COL4A5: variants seen among roughly 807,000 people sequenced by gnomAD.
COL4A5 encodes collagen type IV alpha 5 chain.
In COL4A5, 26 loss-of-function variants were observed where a neutral mutation model predicts 130.2. The observed-to-expected ratio is 0.20, with a 90% CI of 0.15 to 0.28. The LOEUF (loss-of-function observed/expected upper bound fraction) is 0.28. COL4A5 is among the 10% of genes least tolerant of loss of function. The pLI, the probability that COL4A5 is intolerant of heterozygous loss-of-function variation, is 1.00. For missense variants in COL4A5, 1,131 were observed against 1,344.3 expected (o/e 0.84, Z 2.48); for synonymous variants, 496 against 439.6 (o/e 1.13, Z -1.60).
chrX:108,645,330 A>G (rs756313546), intron 36 of COL4A5, among the ~76,000 whole-genome samples: 1 of 111,909 alleles, frequency 8.9e-6, no homozygotes, highest in East Asian at 2.8e-4. Flanking sequence ...CATTACCAAG[A>G]TTAAGAAAAG....
At chrX:108,568,849 A>G (rs777384151) in intron 6 of COL4A5, 28 bp downstream of exon 6, 20 of 1,135,574 alleles carry the variant, frequency 1.8e-5, no homozygotes, top group Non-Finnish European at 2.4e-5. Flanking sequence ...AATCTTGGGT[A>G]GTATACTTGA....
At chrX:108,674,777 C>CTT (rs200814705) in intron 43 of COL4A5, 24 bp downstream of exon 43, 1,811 of 971,859 alleles carry the variant, frequency 1.9e-3, no homozygotes, top group African/African-American at 2.1e-3. Context: ...CTGGTCAATT[C>CTT]TTTTTTTTTT....
intron 1 of COL4A5, among the ~76,000 whole-genome samples, chrX:108,451,966 T>A (rs986519987): frequency 9.8e-5 from 11 of 112,072 alleles, no homozygotes; most frequent in Non-Finnish European, 2.1e-4. Flanking sequence ...AGGTCTAACA[T>A]TTAAGTCTTT....
At chrX:108,647,730 G>C (rs2067630091) in intron 36 of COL4A5, among the ~76,000 whole-genome samples, 1 of 111,604 alleles carries the variant, frequency 9.0e-6, no homozygotes, top group Admixed American at 9.5e-5. Context: ...GTCATAGATA[G>C]CTCTTATTAT....
chrX:108,608,134 G>C (rs1309027855), intron 29 of COL4A5, among the ~76,000 whole-genome samples: 2 of 111,724 alleles, frequency 1.8e-5, no homozygotes, highest in African/African-American at 6.5e-5. Context: ...TCTGGATATT[G>C]TCAGATTCCT....
intron 47 of COL4A5, among the ~76,000 whole-genome samples, chrX:108,683,998 A>G (rs1374049267): frequency 9.0e-6 from 1 of 111,511 alleles, no homozygotes; most frequent in Non-Finnish European, 1.9e-5. Flanking sequence ...ACTGTACCAC[A>G]TGCTCCTGAA....
intron 38 of COL4A5, among the ~76,000 whole-genome samples, chrX:108,666,256 C>T (rs988099064): frequency 4.5e-5 from 5 of 111,503 alleles, no homozygotes; most frequent in African/African-American, 1.6e-4. Flanking sequence ...CACCACCCTT[C>T]GCACCTTACT....
chrX:108,474,378 A>G (rs2064811356), intron 1 of COL4A5, among the ~76,000 whole-genome samples: 2 of 112,010 alleles, frequency 1.8e-5, no homozygotes, highest in South Asian at 3.7e-4. Context: ...ACAGTTGCCT[A>G]CAATATTTAG....
chrX:108,636,598 C>T (rs924602149), intron 36 of COL4A5, among the ~76,000 whole-genome samples: 8 of 110,647 alleles, frequency 7.2e-5, no homozygotes, highest in Admixed American at 5.9e-4. Context: ...TATAATTCAA[C>T]GGAAAGCAAA....
intron 36 of COL4A5, among the ~76,000 whole-genome samples, chrX:108,636,954 T>G (rs941443783): frequency 9.6e-6 from 1 of 104,647 alleles, no homozygotes; most frequent in Non-Finnish European, 2.0e-5. Context: ...TTTTTTTTTT[T>G]TTTTTTTTGA....
In COL4A5 at chrX:108,667,161, C is replaced by T. The variant is rs104886243; in HGVS notation, c.3582C>T (p.Pro1194=). The change falls in exon 40 of 53, where the codon CCC becomes CCT. Residue 1194 remains proline, a synonymous_variant. Coordinates refer to ENST00000328300, the MANE Select transcript of COL4A5 (RefSeq NM_033380.3). ...AACCAGGCTTTGGAAACCCAGGACCCCCTGGACTTCCAGGACTTTCTGGTA... is the reference window on the plus strand; with the variant it reads ...AACCAGGCTTTGGAAACCCAGGACCTCCTGGACTTCCAGGACTTTCTGGTA... ...PGQPGFGNPG[P]PGLPGLSGQK... The T allele has an allele frequency of 1.2e-5, 15 of 1,207,693 alleles. No individual in the cohort carries two copies. The highest frequency in any genetic ancestry group is 1.1e-4 in the South Asian group (6 of 56,770).
chrX:108,678,579 A>T (rs767923170), intron 44 of COL4A5, among the ~76,000 whole-genome samples: 192 of 111,632 alleles, frequency 1.7e-3, no homozygotes, highest in African/African-American at 5.8e-3. Context: ...ATTTTATAAA[A>T]TTCTTACCAA....
intron 1 of COL4A5, among the ~76,000 whole-genome samples, chrX:108,444,222 T>C (rs1344649770): frequency 9.8e-6 from 1 of 102,506 alleles, no homozygotes; most frequent in Non-Finnish European, 1.9e-5. Context: ...CTTTTTTTTT[T>C]CTTTTTTTTT....
intron 1 of COL4A5, among the ~76,000 whole-genome samples, chrX:108,483,368 C>T (rs2064912194): frequency 9.0e-6 from 1 of 111,166 alleles, no homozygotes; most frequent in Non-Finnish European, 1.9e-5. Flanking sequence ...AATTTGGAGT[C>T]TGATTTTCAA....
intron 19 of COL4A5, among the ~76,000 whole-genome samples, chrX:108,587,347 C>T (rs2066353975): frequency 9.0e-6 from 1 of 111,245 alleles, no homozygotes; most frequent in Non-Finnish European, 1.9e-5. Context: ...TAACCTCCTA[C>T]GTAAGAATGA....
intron 42 of COL4A5, among the ~76,000 whole-genome samples, chrX:108,673,106 G>A (rs1159833041): frequency 8.9e-6 from 1 of 112,244 alleles, no homozygotes; most frequent in East Asian, 2.8e-4. Context: ...TAAGGGCAGA[G>A]TTTGAGTCTT....
chrX:108,536,578 T>A (rs2065461206), intron 1 of COL4A5, among the ~76,000 whole-genome samples: 1 of 111,747 alleles, frequency 8.9e-6, no homozygotes, highest in African/African-American at 3.2e-5. Context: ...ATCAATTTTG[T>A]ATTTTAATCA....
chrX:108,670,914 C>T (rs1334485705), intron 42 of COL4A5, among the ~76,000 whole-genome samples: 4 of 110,744 alleles, frequency 3.6e-5, no homozygotes, highest in East Asian at 2.8e-4. Flanking sequence ...TGTTGGTGTG[C>T]GCCTGTAGTC....
At chrX:108,675,913 A>G (rs963453089) in intron 43 of COL4A5, among the ~76,000 whole-genome samples, 9 of 111,955 alleles carry the variant, frequency 8.0e-5, no homozygotes, top group Non-Finnish European at 1.5e-4. Flanking sequence ...AGTAGGTGCT[A>G]TTCTTAATTC....
Sources: allele counts gnomAD v4.1 joint callset (sites outside exome capture counted in the v4.1 genomes callset), GRCh38; gene constraint gnomAD v4.1.1; transcripts MANE v1.5; gene names NCBI Gene and HGNC (gene_info 2026-07-23, HGNC 2026-07-21).